Variants in MAGI2 observed in about 807,000 individuals in gnomAD.
The protein encoded by MAGI2 is membrane-associated guanylate kinase, WW and PDZ domain-containing protein 2.
Under a neutral mutation model 133.3 loss-of-function variants are expected in MAGI2, and 35 were observed. The observed-to-expected ratio is 0.26, with a 90% CI of 0.20 to 0.35. The LOEUF is 0.35. Ranked by LOEUF, MAGI2 falls within the 10% of genes least tolerant of loss-of-function variation. MAGI2 has a pLI of 1.00. For missense variants in MAGI2, 1,636 were observed against 1,863.4 expected (o/e 0.88, Z 2.25); for synonymous variants, 729 against 710.6 (o/e 1.03, Z -0.41).
chr7:79,287,248 G>T (rs1188252136), intron 1 of MAGI2, among the ~76,000 whole-genome samples: 1 of 152,028 alleles, frequency 6.6e-6, no homozygotes, highest in East Asian at 1.9e-4. Flanking sequence ...CTCAAGTTTG[G>T]AAAGTTCTGG....
At chr7:78,877,520 A>G (rs2151535619) in intron 2 of MAGI2, among the ~76,000 whole-genome samples, 1 of 152,302 alleles carries the variant, frequency 6.6e-6, no homozygotes, top group Non-Finnish European at 1.5e-5. Flanking sequence ...GGCCTCGGCT[A>G]TGGAGAAAGA....
At chr7:79,091,993 T>C (rs1817100955) in intron 1 of MAGI2, among the ~76,000 whole-genome samples, 2 of 152,034 alleles carry the variant, frequency 1.3e-5, no homozygotes, top group African/African-American at 2.4e-5. Context: ...CTAAATTTTA[T>C]TTCCTTAGTA....
At chr7:78,548,962 C>CT (rs1253866282) in intron 3 of MAGI2, among the ~76,000 whole-genome samples, 3 of 152,122 alleles carry the variant, frequency 2.0e-5, no homozygotes, top group African/African-American at 7.2e-5. Flanking sequence ...TGTATGTGCC[C>CT]TTTTTACTAT....
At chr7:79,382,088 A>G (rs1843832429) in intron 1 of MAGI2, among the ~76,000 whole-genome samples, 2 of 151,612 alleles carry the variant, frequency 1.3e-5, no homozygotes, top group African/African-American at 4.8e-5. Context: ...AGCTTTTGGC[A>G]GGCAGAGGAA....
At chr7:78,135,539 G>A (rs756641918) in intron 16 of MAGI2, among the ~76,000 whole-genome samples, 8 of 152,248 alleles carry the variant, frequency 5.3e-5, no homozygotes, top group South Asian at 2.1e-4. Flanking sequence ...GGCAGGAGGC[G>A]AGGACCATGA....
At chr7:78,614,041 CG>C in intron 3 of MAGI2, among the ~76,000 whole-genome samples, 1 of 151,460 alleles carries the variant, frequency 6.6e-6, no homozygotes, top group Middle Eastern at 3.4e-3. Context: ...ACCTGGGAGG[CG>C]GAGGTTGCAG....
At chr7:78,851,809 G>A (rs1026571779) in intron 2 of MAGI2, among the ~76,000 whole-genome samples, 1 of 152,086 alleles carries the variant, frequency 6.6e-6, no homozygotes, top group Admixed American at 6.6e-5. Context: ...TCTCTTGTTT[G>A]TTTCCAGTTC....
intron 2 of MAGI2, among the ~76,000 whole-genome samples, chr7:78,686,306 T>C (rs1216310796): frequency 6.6e-6 from 1 of 152,188 alleles, no homozygotes; most frequent in Non-Finnish European, 1.5e-5. Flanking sequence ...GCCATGATTT[T>C]CTCTGACAAC....
intron 1 of MAGI2, among the ~76,000 whole-genome samples, chr7:79,342,434 A>G (rs576828995): frequency 1.5e-3 from 226 of 152,332 alleles, no homozygotes; most frequent in African/African-American, 5.2e-3. Context: ...AATATCCCTT[A>G]CAGAAGAACT....
At chr7:78,572,922 G>A (rs373995422) in intron 3 of MAGI2, among the ~76,000 whole-genome samples, 2 of 149,034 alleles carry the variant, frequency 1.3e-5, no homozygotes, top group Non-Finnish European at 3.0e-5. Context: ...TCGGCCTCAC[G>A]ATTACAGGCA....
intron 4 of MAGI2, among the ~76,000 whole-genome samples, chr7:78,507,928 A>G (rs1274457927): frequency 2.0e-5 from 3 of 152,214 alleles, no homozygotes; most frequent in African/African-American, 7.2e-5. Context: ...AATCATAGAT[A>G]TTTATTGTCT....
intron 2 of MAGI2, among the ~76,000 whole-genome samples, chr7:78,967,966 G>A (rs1196562916): frequency 1.3e-5 from 2 of 152,162 alleles, no homozygotes; most frequent in Non-Finnish European, 2.9e-5. Context: ...AAGTAGCTGG[G>A]ATTACAGGCA....
chr7:78,965,920 C>A (rs1419499561), intron 2 of MAGI2, among the ~76,000 whole-genome samples: 2 of 151,958 alleles, frequency 1.3e-5, no homozygotes, highest in African/African-American at 4.8e-5. Context: ...TTGGAGGCAA[C>A]CTCATCCCTC....
At chr7:79,348,652 G>T (rs539723521) in intron 1 of MAGI2, among the ~76,000 whole-genome samples, 1 of 151,536 alleles carries the variant, frequency 6.6e-6, no homozygotes, top group Admixed American at 6.6e-5. Context: ...TCAAAAAGAC[G>T]AGTTTTCTGC....
At chr7:78,030,632 A>G (rs1332027783) in intron 21 of MAGI2, among the ~76,000 whole-genome samples, 3 of 152,242 alleles carry the variant, frequency 2.0e-5, no homozygotes, top group African/African-American at 7.2e-5. Context: ...AGCATCTTTT[A>G]TGTTCAACAT....
At chr7:78,065,641 G>A in intron 21 of MAGI2, 1 of 699,944 alleles carries the variant, frequency 1.4e-6, no homozygotes. Context: ...CATGCACATG[G>A]AGAGACTGGA....
At chr7:78,887,956 G>A (rs1376305016) in intron 2 of MAGI2, among the ~76,000 whole-genome samples, 1 of 152,206 alleles carries the variant, frequency 6.6e-6, no homozygotes, top group Non-Finnish European at 1.5e-5. Flanking sequence ...CAAGTGCAAG[G>A]GGTCAGGGAA....
At chr7:79,066,600 C>T (rs1432956330) in intron 1 of MAGI2, among the ~76,000 whole-genome samples, 1 of 152,074 alleles carries the variant, frequency 6.6e-6, no homozygotes, top group Non-Finnish European at 1.5e-5. Flanking sequence ...TGTGCAGAAG[C>T]TCTTTAGTTT....
intron 1 of MAGI2, among the ~76,000 whole-genome samples, chr7:79,295,736 T>G (rs1191141727): frequency 6.6e-6 from 1 of 151,994 alleles, no homozygotes; most frequent in African/African-American, 2.4e-5. Flanking sequence ...TTCACACTCT[T>G]GTATCCGCAG....
Sources: gnomAD v4.1 joint callset for allele counts (sites outside exome capture counted in the v4.1 genomes callset) on GRCh38, gnomAD v4.1.1 for gene constraint, MANE v1.5 for transcripts, NCBI Gene and HGNC (gene_info 2026-07-23, HGNC 2026-07-21) for gene names.